B4GALNT2: variants seen among roughly 807,000 people sequenced by gnomAD.
The protein encoded by B4GALNT2 is beta-1,4-N-acetyl-galactosaminyltransferase 2 (SID blood group).
A neutral mutation model predicts 51.1 loss-of-function variants in B4GALNT2; 42 were observed. That is an observed-to-expected ratio of 0.82 (90% CI 0.64 to 1.06). The LOEUF is 1.06. Among genes scored for constraint, B4GALNT2 ranks in the 50% least tolerant of loss-of-function variants. The pLI, the probability that B4GALNT2 is intolerant of heterozygous loss-of-function variation, is 0.00. For synonymous variants in B4GALNT2, 253 were observed against 251.7 expected (o/e 1.01, Z -0.05); for missense variants, 602 against 633.6 (o/e 0.95, Z 0.54).
chr17:49,148,926 T>G (rs1163476871), intron 3 of B4GALNT2, among the ~76,000 whole-genome samples: 69 of 151,848 alleles, frequency 4.5e-4, no homozygotes, highest in African/African-American at 1.6e-3. Context: ...CGTGGTGGCA[T>G]GTGCCTGTAG....
the B4GALNT2 span, among the ~76,000 whole-genome samples, chr17:49,127,091 CTTG>C: frequency 1.3e-5 from 2 of 152,224 alleles, no homozygotes; most frequent in African/African-American, 4.8e-5. Flanking sequence ...AACTTGCTGA[CTTG>C]TTGTAAACAT....
At chr17:49,132,860 G>C in intron 1 of B4GALNT2, 54 bp downstream of exon 1, 1 of 1,370,544 alleles carries the variant, frequency 7.3e-7, no homozygotes, top group Non-Finnish European at 9.4e-7. Context: ...GGAGCAGGGA[G>C]CGCCGCGGGT....
At chr17:49,148,585 C>A in intron 3 of B4GALNT2, 7 of 458,040 alleles carry the variant, frequency 1.5e-5, no homozygotes, top group Non-Finnish European at 3.0e-5. Context: ...TACTGGATAC[C>A]CTTGTTGGTA....
chr17:49,157,798 T>G (rs1944864523), intron 5 of B4GALNT2, among the ~76,000 whole-genome samples: 1 of 152,202 alleles, frequency 6.6e-6, no homozygotes, highest in African/African-American at 2.4e-5. Flanking sequence ...TGGACCTGAA[T>G]TCCCTGCTGC....
upstream of B4GALNT2, among the ~76,000 whole-genome samples, chr17:49,130,715 G>T (rs899539624): frequency 6.6e-6 from 1 of 152,044 alleles, no homozygotes; most frequent in Non-Finnish European, 1.5e-5. Context: ...TCTTATTGTT[G>T]CAGAAACCAT....
In B4GALNT2 at chr17:49,170,119, G is replaced by A. The variant is rs1464872542; in HGVS notation, c.*391G>A. On this transcript the variant is annotated 3_prime_UTR_variant, in exon 11 of 11. Transcript: ENST00000393354. ...AAATTCTGTCACAGTCAGAAGCATC[G>A]GATCCAGCATCACTGTCATCCCTAT... is the stretch of plus-strand genomic sequence containing the variant. 1.8e-5 allele frequency: 3 copies of A among 170,678 alleles called. No individual in the cohort carries two copies. Among genetic ancestry groups the A allele is most frequent in the Admixed American group, 6.0e-5 (1 of 16,752 alleles). 10.6% of individuals were successfully genotyped at this position (170,678 alleles called of 1,614,324 possible).
intron 3 of B4GALNT2, among the ~76,000 whole-genome samples, chr17:49,150,228 C>A (rs2042737561): frequency 6.9e-6 from 1 of 144,812 alleles, no homozygotes; most frequent in Non-Finnish European, 1.5e-5. Flanking sequence ...CGGCCAGCCG[C>A]CCCGTCCGGG....
upstream of B4GALNT2, among the ~76,000 whole-genome samples, chr17:49,132,086 C>T (rs1361617991): frequency 6.6e-6 from 1 of 152,100 alleles, no homozygotes; most frequent in Non-Finnish European, 1.5e-5. Context: ...AGGCTATGAG[C>T]TATGATTACA....
chr17:49,148,675 C>T, intron 3 of B4GALNT2: 1 of 561,420 alleles, frequency 1.8e-6, no homozygotes, highest in East Asian at 3.2e-5. Context: ...ACCTTCATGA[C>T]ATGAAGGTCG....
intron 9 of B4GALNT2, 114 bp from the exon 10 acceptor site, chr17:49,168,563 TAGAC>T: frequency 9.9e-7 from 1 of 1,014,358 alleles, no homozygotes; most frequent in South Asian, 1.6e-5. Flanking sequence ...ATTTGAAGGA[TAGAC>T]AGAGAAATAA....
the B4GALNT2 span, among the ~76,000 whole-genome samples, chr17:49,126,507 A>C: frequency 1.0e-3 from 157 of 150,880 alleles, 1 homozygote; most frequent in Middle Eastern, 6.8e-3. Context: ...AAAAAAAAAA[A>C]AAAAACAAAC....
chr17:49,143,782 G>A (rs543235096), intron 3 of B4GALNT2, among the ~76,000 whole-genome samples: 3 of 152,314 alleles, frequency 2.0e-5, no homozygotes, highest in Non-Finnish European at 4.4e-5. Context: ...ATAACATGGT[G>A]GAGGGTACCA....
At chr17:49,157,100 T>C (rs2144320013) in intron 5 of B4GALNT2, among the ~76,000 whole-genome samples, 1 of 152,278 alleles carries the variant, frequency 6.6e-6, no homozygotes, top group East Asian at 1.9e-4. Flanking sequence ...TTGGAATGGG[T>C]GATGAGTGAG....
rs992139953 is a variant in B4GALNT2, at chr17:49,170,472, G to A, written c.*744G>A. ...TCCAGAATGCCAGGGATTGAACTCA[G>A]AGCCCATGCCAAGGCATGATGGTGA... is the stretch of plus-strand genomic sequence containing the variant. On this transcript the variant is annotated 3_prime_UTR_variant, in exon 11 of 11. Transcript: ENST00000393354. The A allele has an allele frequency of 6.6e-6, 1 of 152,308 alleles. No individual in the cohort carries two copies. The highest frequency in any genetic ancestry group is 1.5e-5 in the Non-Finnish European group (1 of 68,100). 9.4% of individuals were successfully genotyped at this position (152,308 alleles called of 1,614,324 possible).
rs564089824 is a variant in B4GALNT2 at position 49,168,861 on chromosome 17, G to T, written c.1276G>T (p.Val426Phe). ...FLAHTERLQR[V>F]GFDPRLQRVA... ...GGCCCACACGGAGCGACTCCAAAGAGTTGGCTTTGATCCCCGCCTGCAACG... is the reference window on the plus strand; with the variant it reads ...GGCCCACACGGAGCGACTCCAAAGATTTGGCTTTGATCCCCGCCTGCAACG... Residue 426 changes from valine (V) to phenylalanine (F), a missense_variant, in exon 10 of 11, where the codon GTT becomes TTT. Coordinates refer to ENST00000393354, the MANE Select transcript of B4GALNT2 (RefSeq NM_001159387.2). 10 of 1,613,152 alleles carry T rather than the reference G, an allele frequency of 6.2e-6. No individual in the cohort carries two copies. The Admixed American group carries it at 1.0e-4, about 16-fold the overall frequency.
rs556320060 is a variant in B4GALNT2 at position 49,134,871 on chromosome 17, A to G, written c.14+2065A>G. On this transcript the variant is annotated intron_variant, in intron 1 of 10. Coordinates refer to ENST00000393354, the MANE Select transcript of B4GALNT2 (RefSeq NM_001159387.2). ...CTCCCAAAGTGCTGGGAGTACAGAC[A>G]TGAGCCACAGTGCCCAGCCTGATAC... is the stretch of plus-strand genomic sequence containing the variant. Among the ~76,000 whole-genome samples the G allele has an allele frequency of 3.5e-4, 54 of 152,190 alleles. 2 individuals are homozygous for G. The highest frequency in any genetic ancestry group is 1.1e-3 in the African/African-American group (44 of 41,520).
rs982774053 is a variant in B4GALNT2 at position 49,176,784 on chromosome 17, A to C, written c.*7056A>C. 2 of 152,222 alleles carry C rather than the reference A, an allele frequency of 1.3e-5. No homozygotes were observed. Among genetic ancestry groups the C allele is most frequent in the Non-Finnish European group, 2.9e-5 (2 of 68,042 alleles). The allele number at this position is 152,222 out of a possible 1,614,324, so 9.4% of individuals were successfully genotyped here. A position where few individuals can be genotyped will look rare whatever the true frequency, so the allele number is the denominator to read the frequency against. ...GGCCTAGGGTAGTTCAGGATCACTA[A>C]AAATGTGTTCTGTGATATATTAATA... On this transcript the variant is annotated 3_prime_UTR_variant, in exon 11 of 11. Transcript: ENST00000393354.
chr17:49,138,006 T>A (rs1372937921), intron 1 of B4GALNT2, among the ~76,000 whole-genome samples: 3 of 152,164 alleles, frequency 2.0e-5, no homozygotes, highest in Non-Finnish European at 2.9e-5. Context: ...AGGCAAATAA[T>A]CAGATAGGCC....
chr17:49,136,530 ATTTATTTAT>A (rs2144270734), intron 1 of B4GALNT2, among the ~76,000 whole-genome samples: 1 of 116,102 alleles, frequency 8.6e-6, no homozygotes, highest in South Asian at 3.0e-4. Flanking sequence ...TTATTTATTT[ATTTATTTAT>A]TTATTTATTT....
Sources: gnomAD v4.1 joint callset for allele counts (sites outside exome capture counted in the v4.1 genomes callset) on GRCh38, gnomAD v4.1.1 for gene constraint, MANE v1.5 for transcripts, NCBI Gene and HGNC (gene_info 2026-07-23, HGNC 2026-07-21) for gene names.